The following TSPAN7 variants were observed in gnomAD, a reference collection of about 807,000 sequenced individuals.
TSPAN7 encodes the protein tetraspanin-7.
In TSPAN7, 1 loss-of-function variant was observed where a neutral mutation model predicts 17.6. The ratio of observed to expected loss-of-function variants is 0.06; its 90% CI spans 0.02 to 0.27. The LOEUF (loss-of-function observed/expected upper bound fraction) is 0.27. TSPAN7 is among the 10% of genes least tolerant of loss of function. The pLI, the probability that TSPAN7 is intolerant of heterozygous loss-of-function variation, is 1.00. For missense variants in TSPAN7, 112 were observed against 201.7 expected, an observed-to-expected ratio of 0.56 and a Z score of 2.69; for synonymous variants, 78 against 79.0, an observed-to-expected ratio of 0.99 and a Z score of 0.07.
chrX:38,624,460 C>T (rs761012924), intron 1 of TSPAN7, among the ~76,000 whole-genome samples: 1 of 112,006 alleles, frequency 8.9e-6, no homozygotes, highest in Non-Finnish European at 1.9e-5. Flanking sequence ...TGTTAACAGT[C>T]GAGAGACTTC....
chrX:38,681,610 G>A (rs988173429), intron 6 of TSPAN7, among the ~76,000 whole-genome samples: 2 of 111,655 alleles, frequency 1.8e-5, no homozygotes, highest in Non-Finnish European at 3.8e-5. Flanking sequence ...AACATCAAAT[G>A]GCTGATCTGG....
rs372616993 is a variant in TSPAN7, at chrX:38,577,812, A to T, written c.81+16185A>T. On this transcript the variant is annotated intron_variant, in intron 1 of 7. Transcript: ENST00000378482. ...CATGTACCCTAAAACTTAAAGTATAAAAAAAAAAAAGAGACGTGGTTGGTG... is the reference window on the plus strand; with the variant it reads ...CATGTACCCTAAAACTTAAAGTATATAAAAAAAAAAGAGACGTGGTTGGTG... 2.4e-3 allele frequency among the ~76,000 whole-genome samples: 257 copies of T among 105,365 alleles called. 1 individual carries two copies. The highest frequency in any genetic ancestry group is 0.011 in the South Asian group (25 of 2,333). 91.5% of individuals were successfully genotyped at this position (105,365 alleles called of 115,157 possible).
chrX:38,612,221 A>G (rs779738599), intron 1 of TSPAN7: 1 of 111,519 alleles, frequency 9.0e-6, no homozygotes, highest in Non-Finnish European at 1.9e-5. Context: ...ACTGGTACTG[A>G]GCGCCCAGCA....
At chrX:38,658,853 C>T (rs372206923) in intron 1 of TSPAN7, among the ~76,000 whole-genome samples, 2 of 111,378 alleles carry the variant, frequency 1.8e-5, no homozygotes, top group African/African-American at 6.5e-5. Context: ...CTGGACCAGA[C>T]GGTCTCTGGA....
chrX:38,614,969 TGTAGAGTC>T (rs1263466896), intron 1 of TSPAN7, among the ~76,000 whole-genome samples: 2 of 106,621 alleles, frequency 1.9e-5, no homozygotes, highest in South Asian at 9.0e-4. Flanking sequence ...AAATGGGAGC[TGTAGAGTC>T]TTTACAGATT....
At chrX:38,586,567 C>T (rs1040953240) in intron 1 of TSPAN7, among the ~76,000 whole-genome samples, 4 of 111,982 alleles carry the variant, frequency 3.6e-5, no homozygotes, top group Non-Finnish European at 7.5e-5. Context: ...AAATGTTGAA[C>T]TCAGGGACTT....
rs779520111 is a variant in TSPAN7 at position 38,561,651 on chromosome X, G to T, written c.81+24G>T. On this transcript the variant is annotated intron_variant, in intron 1 of 7. Transcript: ENST00000378482. Reference sequence around the variant, plus strand: ...GGGTAAGTGCCCACGCCGGGCCGGTGGCCGAGTCGCTGTCCATCGGTCCGT... The same window carrying T: ...GGGTAAGTGCCCACGCCGGGCCGGTTGCCGAGTCGCTGTCCATCGGTCCGT... 3 of 1,166,976 alleles carry T rather than the reference G, an allele frequency of 2.6e-6. No individual in the cohort carries two copies. In the East Asian group the frequency reaches 9.1e-5, roughly 35 times the overall value.
chrX:38,662,264 A>T (rs766845435), intron 1 of TSPAN7, among the ~76,000 whole-genome samples: 72 of 111,409 alleles, frequency 6.5e-4, no homozygotes, highest in Non-Finnish European at 9.4e-4. Context: ...TAGCCTTGTT[A>T]TTTCCCCAGA....
At chrX:38,593,933 A>G (rs1465511955) in intron 1 of TSPAN7, among the ~76,000 whole-genome samples, 2 of 112,526 alleles carry the variant, frequency 1.8e-5, no homozygotes, top group Non-Finnish European at 3.8e-5. Context: ...CTGTCCATCT[A>G]TTCATTCATC....
rs150762981 is a variant in TSPAN7, at chrX:38,623,364, T to G, written c.82-42757T>G. 6.2e-3 allele frequency among the ~76,000 whole-genome samples: 686 copies of G among 110,893 alleles called. 7 individuals are homozygous for G. Among genetic ancestry groups the G allele is most frequent in the African/African-American group, 0.022 (655 of 30,445 alleles). On this transcript the variant is annotated intron_variant, in intron 1 of 7. Coordinates refer to ENST00000378482, the MANE Select transcript of TSPAN7 (RefSeq NM_004615.4). Reference sequence around the variant, plus strand: ...ATGAAGAGGATTCAACTTCAATCACTGAGAAGTTGAAAGCTCACTGTGTTC... The same window carrying G: ...ATGAAGAGGATTCAACTTCAATCACGGAGAAGTTGAAAGCTCACTGTGTTC...
At chrX:38,670,798 A>G (rs2069816946) in intron 2 of TSPAN7, among the ~76,000 whole-genome samples, 1 of 112,656 alleles carries the variant, frequency 8.9e-6, no homozygotes, top group Non-Finnish European at 1.9e-5. Context: ...TAGAGAAAAG[A>G]CATTGGGCTG....
intron 1 of TSPAN7, among the ~76,000 whole-genome samples, chrX:38,600,330 C>T (rs1411541559): frequency 1.8e-5 from 2 of 111,678 alleles, no homozygotes; most frequent in Middle Eastern, 4.6e-3. Context: ...GCTGGAAAGC[C>T]TAAACATACA....
At chrX:38,626,097 A>G (rs1345460307) in intron 1 of TSPAN7, among the ~76,000 whole-genome samples, 9 of 112,347 alleles carry the variant, frequency 8.0e-5, no homozygotes, top group African/African-American at 2.3e-4. Context: ...TGAATAAATG[A>G]TTGAAAAATA....
chrX:38,640,383 T>G (rs1223100230), intron 1 of TSPAN7, among the ~76,000 whole-genome samples: 1 of 112,038 alleles, frequency 8.9e-6, no homozygotes, highest in Non-Finnish European at 1.9e-5. Flanking sequence ...CAAGATTGCA[T>G]CTTATTGTGT....
chrX:38,591,436 A>G (rs1295243891), intron 1 of TSPAN7, among the ~76,000 whole-genome samples: 2 of 111,815 alleles, frequency 1.8e-5, no homozygotes, highest in African/African-American at 3.2e-5. Flanking sequence ...GTTTTGTTTA[A>G]TAGCCAAGAA....
At chrX:38,614,075 C>G (rs761852461) in intron 1 of TSPAN7, among the ~76,000 whole-genome samples, 7 of 108,162 alleles carry the variant, frequency 6.5e-5, no homozygotes, top group Non-Finnish European at 1.3e-4. Flanking sequence ...TTCCTATTGT[C>G]CCATCTCCTG....
chrX:38,590,892 A>G (rs766137752), intron 1 of TSPAN7, among the ~76,000 whole-genome samples: 1 of 111,709 alleles, frequency 9.0e-6, no homozygotes, highest in African/African-American at 3.2e-5. Flanking sequence ...CTTTCTCAGT[A>G]CTTACATTGG....
rs1156555761 is a variant in TSPAN7, at chrX:38,631,212, A to G, written c.82-34909A>G. On this transcript the variant is annotated intron_variant, in intron 1 of 7. Coordinates refer to ENST00000378482, the MANE Select transcript of TSPAN7 (RefSeq NM_004615.4). ...TGCATTTTATGGCAGGAAGTTTGAG[A>G]AAAATGTAAAGAACTGGTGAGGATT... 2.7e-5 allele frequency among the ~76,000 whole-genome samples: 3 copies of G among 110,527 alleles called. No homozygotes were observed. In the East Asian group the frequency reaches 8.5e-4, roughly 31 times the overall value.
At chrX:38,630,579 C>T (rs1276295033) in intron 1 of TSPAN7, among the ~76,000 whole-genome samples, 1 of 111,535 alleles carries the variant, frequency 9.0e-6, no homozygotes, top group Non-Finnish European at 1.9e-5. Flanking sequence ...AAATGGGGAC[C>T]AAATACGTGT....
Sources: allele counts gnomAD v4.1 joint callset (sites outside exome capture counted in the v4.1 genomes callset), GRCh38; gene constraint gnomAD v4.1.1; transcripts MANE v1.5; gene names NCBI Gene and HGNC (gene_info 2026-07-23, HGNC 2026-07-21).